KCNQ5: variants seen among roughly 807,000 people sequenced by gnomAD.
KCNQ5 encodes potassium voltage-gated channel subfamily Q member 5, also known as potassium voltage-gated channel subfamily KQT member 5.
A neutral mutation model predicts 98.2 loss-of-function variants in KCNQ5; 30 were observed. That is an observed-to-expected ratio of 0.31 (90% confidence interval 0.23 to 0.41). The LOEUF (loss-of-function observed/expected upper bound fraction) is 0.41, where lower values mean the gene tolerates loss of function less well. KCNQ5 is among the 10% of genes least tolerant of loss of function. KCNQ5 has a pLI of 1.00. For missense variants in KCNQ5, 835 were observed against 1,182.5 expected, an observed-to-expected ratio of 0.71 and a Z score of 4.31; for synonymous variants, 458 against 449.4, an observed-to-expected ratio of 1.02 and a Z score of -0.24.
At chr6:72,674,638 C>T (rs900724309) in intron 1 of KCNQ5, among the ~76,000 whole-genome samples, 2 of 151,994 alleles carry the variant, frequency 1.3e-5, no homozygotes, top group Non-Finnish European at 2.9e-5. Flanking sequence ...GTTGCTGTAG[C>T]ATGTGCCTGT....
intron 1 of KCNQ5, among the ~76,000 whole-genome samples, chr6:72,975,893 A>G (rs1301509389): frequency 6.6e-6 from 1 of 152,226 alleles, no homozygotes; most frequent in Non-Finnish European, 1.5e-5. Flanking sequence ...TACGTGTAAC[A>G]AAGAGCTGCA....
chr6:73,090,802 C>T (rs1774214145), intron 5 of KCNQ5, among the ~76,000 whole-genome samples: 1 of 152,132 alleles, frequency 6.6e-6, no homozygotes, highest in African/African-American at 2.4e-5. Context: ...GAATGGCGAT[C>T]ATTAAAGAGT....
chr6:72,871,620 A>C (rs1288616490), intron 1 of KCNQ5, among the ~76,000 whole-genome samples: 1 of 152,228 alleles, frequency 6.6e-6, no homozygotes, highest in South Asian at 2.1e-4. Flanking sequence ...TATACTTGTC[A>C]TATTAATCCA....
intron 1 of KCNQ5, among the ~76,000 whole-genome samples, chr6:72,938,644 C>T (rs756036864): frequency 2.6e-5 from 4 of 152,064 alleles, no homozygotes; most frequent in Non-Finnish European, 4.4e-5. Context: ...CTTGGCCTCC[C>T]GAAGTGCTGG....
At chr6:72,731,306 G>C (rs1419821915) in intron 1 of KCNQ5, among the ~76,000 whole-genome samples, 1 of 152,198 alleles carries the variant, frequency 6.6e-6, no homozygotes, top group South Asian at 2.1e-4. Flanking sequence ...AGATAGAAAG[G>C]ACTCAGAAGG....
intron 1 of KCNQ5, among the ~76,000 whole-genome samples, chr6:72,875,809 T>C (rs1266595531): frequency 6.6e-6 from 1 of 152,098 alleles, no homozygotes; most frequent in Admixed American, 6.5e-5. Context: ...ATGTACCTGC[T>C]ATCAATAAAC....
At chr6:73,160,107 G>A (rs910979460) in intron 10 of KCNQ5, among the ~76,000 whole-genome samples, 6 of 151,954 alleles carry the variant, frequency 3.9e-5, no homozygotes, top group South Asian at 2.1e-4. Flanking sequence ...TCCGCCTCCC[G>A]GGTTCACGCC....
At chr6:72,652,987 A>G (rs926492328) in intron 1 of KCNQ5, among the ~76,000 whole-genome samples, 6 of 152,036 alleles carry the variant, frequency 3.9e-5, no homozygotes, top group African/African-American at 1.4e-4. Flanking sequence ...TGAATTCCCT[A>G]TTTCAGTTGG....
intron 1 of KCNQ5, among the ~76,000 whole-genome samples, chr6:72,729,811 T>C (rs1007580717): frequency 6.6e-6 from 1 of 151,974 alleles, no homozygotes; most frequent in African/African-American, 2.4e-5. Flanking sequence ...TCTAAACAAA[T>C]TTACTTTCTT....
At chr6:72,793,895 C>T (rs557323181) in intron 1 of KCNQ5, among the ~76,000 whole-genome samples, 48 of 152,278 alleles carry the variant, frequency 3.2e-4, no homozygotes, top group African/African-American at 1.1e-3. Context: ...ATCCTGTAGC[C>T]CCAGAGTGCC....
At chr6:73,034,931 C>T (rs1582229494) in intron 2 of KCNQ5, among the ~76,000 whole-genome samples, 1 of 150,732 alleles carries the variant, frequency 6.6e-6, no homozygotes, top group Non-Finnish European at 1.5e-5. Flanking sequence ...CTGCAAGCTC[C>T]GCCTCCCGGG....
At chr6:73,135,232 C>G (rs866276890) in intron 10 of KCNQ5, 6 of 151,778 alleles carry the variant, frequency 4.0e-5, no homozygotes, top group Admixed American at 2.6e-4. Flanking sequence ...TATATAAATT[C>G]ATGTATCTAT....
chr6:72,851,051 A>C (rs1309210912), intron 1 of KCNQ5, among the ~76,000 whole-genome samples: 6 of 152,346 alleles, frequency 3.9e-5, no homozygotes, highest in East Asian at 1.9e-4. Flanking sequence ...ATATAATAAA[A>C]GGGAGAAATT....
chr6:73,003,658 T>C (rs1180543194), intron 1 of KCNQ5, among the ~76,000 whole-genome samples: 1 of 152,156 alleles, frequency 6.6e-6, no homozygotes, highest in Admixed American at 6.6e-5. Flanking sequence ...AACATTTAAA[T>C]GCAGCATGCC....
At chr6:72,825,449 T>C (rs77728020) in intron 1 of KCNQ5, among the ~76,000 whole-genome samples, 2,731 of 152,242 alleles carry the variant, frequency 0.018, 70 homozygotes, top group African/African-American at 0.062. Context: ...GTGCCACTGG[T>C]AGAAGGCATA....
chr6:73,176,052 G>A (rs1778200074), intron 11 of KCNQ5, among the ~76,000 whole-genome samples: 1 of 152,202 alleles, frequency 6.6e-6, no homozygotes, highest in Non-Finnish European at 1.5e-5. Flanking sequence ...AGGAGAGTAA[G>A]GCTGAAGAGA....
chr6:72,753,474 T>G (rs1771788278), intron 1 of KCNQ5, among the ~76,000 whole-genome samples: 3 of 152,004 alleles, frequency 2.0e-5, no homozygotes. Context: ...AGTCCTTGAT[T>G]GTATAGTAAG....
intron 1 of KCNQ5, among the ~76,000 whole-genome samples, chr6:72,966,384 C>A (rs1767612264): frequency 6.6e-6 from 1 of 151,282 alleles, no homozygotes; most frequent in Non-Finnish European, 1.5e-5. Context: ...CATGGTGAAA[C>A]CCTGTCTCTA....
chr6:73,095,749 T>C (rs550035518), intron 5 of KCNQ5, among the ~76,000 whole-genome samples: 39 of 152,282 alleles, frequency 2.6e-4, no homozygotes, highest in African/African-American at 9.1e-4. Flanking sequence ...CTGGGGATTG[T>C]CTACAGAGTC....
Sources: gnomAD v4.1 joint callset for allele counts (sites outside exome capture counted in the v4.1 genomes callset) on GRCh38, gnomAD v4.1.1 for gene constraint, MANE v1.5 for transcripts, NCBI Gene and HGNC (gene_info 2026-07-23, HGNC 2026-07-21) for gene names.